ANKRD10: variants seen among roughly 807,000 people sequenced by gnomAD.
The protein encoded by ANKRD10 is ankyrin repeat domain 10.
ANKRD10 carries 14 observed loss-of-function variants against 27.0 expected under a neutral mutation model. The observed-to-expected ratio is 0.52, with a 90% CI of 0.34 to 0.81. The LOEUF (loss-of-function observed/expected upper bound fraction) is 0.81, where lower values mean the gene tolerates loss of function less well. Among genes scored for constraint, ANKRD10 ranks in the 40% least tolerant of loss-of-function variants. ANKRD10 has a pLI of 0.01. For synonymous variants in ANKRD10, 250 were observed against 224.5 expected (o/e 1.11, Z -1.01); for missense variants, 493 against 544.0 (o/e 0.91, Z 0.93).
At chr13:110,897,294 CT>C (rs35945478) in intron 3 of ANKRD10, among the ~76,000 whole-genome samples, 44,689 of 127,320 alleles carry the variant, frequency 0.35, 7,885 homozygotes, top group South Asian at 0.43. Flanking sequence ...TGCCTGGCTA[CT>C]TTTTTTTTTT....
chr13:110,894,424 A>AAAAAAAC (rs1467879088), intron 3 of ANKRD10: 2 of 305,350 alleles, frequency 6.5e-6, no homozygotes, highest in African/African-American at 4.4e-5. Context: ...AAAAAAAAAA[A>AAAAAAAC]AAACCCCGCA....
chr13:110,887,931 C>G (rs1421425634), intron 4 of ANKRD10, among the ~76,000 whole-genome samples: 2 of 152,224 alleles, frequency 1.3e-5, no homozygotes, highest in Non-Finnish European at 2.9e-5. Flanking sequence ...GAAAGACACT[C>G]TGCCTTCCTG....
At position 110,896,165 on chromosome 13, in the gene ANKRD10, G is replaced by A. The variant is rs774539986; in HGVS notation, c.456-2902C>T. Among the ~76,000 whole-genome samples, 4 of 152,174 alleles carry A rather than the reference G, an allele frequency of 2.6e-5. No homozygotes were observed. In the East Asian group the frequency reaches 5.8e-4, roughly 22 times the overall value. On this transcript the variant is annotated intron_variant, in intron 3 of 5. Transcript: ENST00000267339. ...CTAGAAATTGTATTGGACAGGTATC[G>A]GAATCTAGGACACATGGTAACTGGA... is the stretch of plus-strand genomic sequence containing the variant.
At chr13:110,890,144 G>A (rs1327558059) in intron 4 of ANKRD10, among the ~76,000 whole-genome samples, 1 of 152,000 alleles carries the variant, frequency 6.6e-6, no homozygotes, top group Non-Finnish European at 1.5e-5. Flanking sequence ...ATCAAAACAA[G>A]ATGCCAGAAA....
intron 5 of ANKRD10, among the ~76,000 whole-genome samples, chr13:110,881,184 ATTT>A (rs2064810094): frequency 6.6e-6 from 1 of 152,212 alleles, no homozygotes; most frequent in African/African-American, 2.4e-5. Flanking sequence ...GTAATACTAG[ATTT>A]TATCTCAATG....
intron 2 of ANKRD10, among the ~76,000 whole-genome samples, chr13:110,906,448 CCAAA>C (rs200807158): frequency 0.096 from 14,571 of 151,988 alleles, 852 homozygotes; most frequent in South Asian, 0.15. Flanking sequence ...GAATAAGTAA[CCAAA>C]CAAACAAGCC....
At chr13:110,890,269 A>C (rs2065039253) in intron 4 of ANKRD10, among the ~76,000 whole-genome samples, 1 of 152,222 alleles carries the variant, frequency 6.6e-6, no homozygotes, top group Non-Finnish European at 1.5e-5. Flanking sequence ...TAGAACATTC[A>C]GGTAATTGGC....
At chr13:110,910,845 A>G in intron 1 of ANKRD10, 75 bp from the exon 2 acceptor site, 2 of 1,415,302 alleles carry the variant, frequency 1.4e-6, no homozygotes, top group Non-Finnish European at 1.9e-6. Context: ...AATAATCGAA[A>G]TTCTATAATG....
intron 5 of ANKRD10, among the ~76,000 whole-genome samples, 191 bp from the exon 6 acceptor site, chr13:110,880,303 G>T (rs1029584233): frequency 6.6e-5 from 10 of 152,090 alleles, no homozygotes; most frequent in South Asian, 2.1e-4. Context: ...AGTAGTATTT[G>T]CCTGGTAAGA....
chr13:110,912,287 G>C (rs1378369316), intron 1 of ANKRD10, among the ~76,000 whole-genome samples: 1 of 152,120 alleles, frequency 6.6e-6, no homozygotes, highest in Non-Finnish European at 1.5e-5. Context: ...CTCAACTCAA[G>C]GTTTCTTTTT....
chr13:110,904,084 G>A (rs1246695036), intron 3 of ANKRD10: 1 of 152,118 alleles, frequency 6.6e-6, no homozygotes, highest in Non-Finnish European at 1.5e-5. Context: ...TTATCTCGAT[G>A]TTAAAACTAA....
intron 4 of ANKRD10, among the ~76,000 whole-genome samples, chr13:110,886,931 G>C (rs1196172940): frequency 2.7e-4 from 41 of 152,316 alleles, no homozygotes; most frequent in Non-Finnish European, 4.4e-5. Flanking sequence ...CAGGTGTCAG[G>C]TGTCTGTTGG....
At position 110,910,732 on chromosome 13, in the gene ANKRD10, T is replaced by C; in HGVS notation, c.249A>G (p.Thr83=). 5 of 1,614,118 alleles carry C rather than the reference T, an allele frequency of 3.1e-6. No homozygotes were observed. Among genetic ancestry groups the C allele is most frequent in the South Asian group, 1.1e-5 (1 of 91,086 alleles). ...CLVQLVRAGA[T]LNVSTTRYAQ... is the part of the protein sequence containing the mutation. Reference sequence around the variant, plus strand: ...CGTACCGTGTGGTGGAGACGTTGAGTGTGGCTCCCGCTCTCACCAACTGCA... The same window carrying C: ...CGTACCGTGTGGTGGAGACGTTGAGCGTGGCTCCCGCTCTCACCAACTGCA... The change falls in exon 2 of 6, where the codon ACA becomes ACG. Residue 83 remains threonine, a synonymous_variant. Coordinates refer to ENST00000267339, the MANE Select transcript of ANKRD10 (RefSeq NM_017664.4).
chr13:110,912,087 G>A (rs756069648), intron 1 of ANKRD10, among the ~76,000 whole-genome samples: 6 of 152,136 alleles, frequency 3.9e-5, no homozygotes, highest in Non-Finnish European at 8.8e-5. Context: ...ATAATTTAGC[G>A]CATTCAACAA....
At chr13:110,889,652 CT>C (rs949724697) in intron 4 of ANKRD10, among the ~76,000 whole-genome samples, 7 of 152,190 alleles carry the variant, frequency 4.6e-5, no homozygotes, top group African/African-American at 7.2e-5. Context: ...GCAGACACTA[CT>C]TTTTGTGGGG....
Position 110,915,043 on chromosome 13 carries a change from T to TCCCAC in ANKRD10, c.-114_-110dup, listed in dbSNP as rs1411988975. 7.0e-7 allele frequency: 1 copy of TCCCAC among 1,424,848 alleles called. No individual in the cohort carries two copies. Among genetic ancestry groups the TCCCAC allele is most frequent in the Non-Finnish European group, 9.1e-7 (1 of 1,093,950 alleles). 88.3% of individuals were successfully genotyped at this position (1,424,848 alleles called of 1,614,324 possible). On this transcript the variant is annotated 5_prime_UTR_variant, in exon 1 of 6. Coordinates refer to ENST00000267339, the MANE Select transcript of ANKRD10 (RefSeq NM_017664.4). The stretch of plus-strand genomic sequence containing the variant: ...GAACGAGACTAGCGCCGCGGTCGCG[T>TCCCAC]CCCACAGGCTGCCGAGCGGAGCGCG...
intron 3 of ANKRD10, chr13:110,894,923 T>C (rs969881435): frequency 2.0e-5 from 3 of 152,162 alleles, no homozygotes; most frequent in Admixed American, 6.5e-5. Flanking sequence ...AAATAGAAAA[T>C]ATACTAATAT....
In ANKRD10 at chr13:110,879,888, G is replaced by A; in HGVS notation, c.1012C>T (p.Leu338=). 1.2e-6 allele frequency: 2 copies of A among 1,614,186 alleles called. No individual in the cohort carries two copies. The highest frequency in any genetic ancestry group is 2.2e-5 in the South Asian group (2 of 91,082). Residue 338 remains leucine, a synonymous_variant, in exon 6 of 6, where the codon CTG becomes TTG. Transcript: ENST00000267339. ...CCGCACAACTCAGGGTTAGCTCTCA[G>A]GGTCTTCTCTGGCTCCTCAGTCCCA... The part of the protein sequence containing the change: ...ISGTEEPEKT[L]RANPELCGSL...
At position 110,906,055 on chromosome 13, in the gene ANKRD10, C is replaced by G. The variant is rs768933608; in HGVS notation, c.433G>C (p.Val145Leu). ...SGSLECISAL[V>L]ANGAHVDLRN... ...TACTCGACGTGAGCCCCATTCGCCACAAGGGCACTGATGCATTCTAGGCTC... is the reference window on the plus strand; with the variant it reads ...TACTCGACGTGAGCCCCATTCGCCAGAAGGGCACTGATGCATTCTAGGCTC... Residue 145 changes from valine (V) to leucine (L), a missense_variant, in exon 3 of 6, where the codon GTG (valine) becomes CTG (leucine). Coordinates refer to ENST00000267339, the MANE Select transcript of ANKRD10 (RefSeq NM_017664.4). 3.1e-6 allele frequency: 5 copies of G among 1,601,976 alleles called. No individual in the cohort carries two copies. In the East Asian group the frequency reaches 8.9e-5, roughly 29 times the overall value.
Sources: allele counts gnomAD v4.1 joint callset (sites outside exome capture counted in the v4.1 genomes callset), GRCh38; gene constraint gnomAD v4.1.1; transcripts MANE v1.5; gene names NCBI Gene and HGNC (gene_info 2026-07-23, HGNC 2026-07-21).